DLGAP2: variants seen among roughly 807,000 people sequenced by gnomAD.
DLGAP2 encodes the protein disks large-associated protein 2.
In DLGAP2, 26 loss-of-function variants were observed where a neutral mutation model predicts 100.3. The ratio of observed to expected loss-of-function variants is 0.26; its 90% CI spans 0.19 to 0.36. The LOEUF (loss-of-function observed/expected upper bound fraction) is 0.36. Among genes scored for constraint, DLGAP2 ranks in the 10% least tolerant of loss-of-function variants. The probability of loss-of-function intolerance (pLI) is 1.00; values close to 1 mark genes in which losing one functional copy is unlikely to be tolerated. For missense variants in DLGAP2, 1,858 were observed against 1,453.2 expected, an observed-to-expected ratio of 1.28 and a Z score of -4.53; for synonymous variants, 886 against 630.1, an observed-to-expected ratio of 1.41 and a Z score of -6.08.
At chr8:986,822 G>C (rs1276173910) in intron 2 of DLGAP2, among the ~76,000 whole-genome samples, 1 of 152,018 alleles carries the variant, frequency 6.6e-6, no homozygotes, top group East Asian at 1.9e-4. Flanking sequence ...ACCATGCCTG[G>C]CTAATTTTTG....
In DLGAP2 at chr8:1,100,975, A is replaced by G. The variant is rs527703046; in HGVS notation, c.74-157876A>G. Among the ~76,000 whole-genome samples, 327 of 152,308 alleles carry G rather than the reference A, an allele frequency of 2.1e-3. 1 individual carries two copies. Among genetic ancestry groups the G allele is most frequent in the Non-Finnish European group, 1.9e-3 (126 of 68,032 alleles). Reference sequence around the variant, plus strand: ...TACCAGTTACATTTCTTTTACCCGCATCACCTGCAGTGATTGGGAGGATGT... The same window carrying G: ...TACCAGTTACATTTCTTTTACCCGCGTCACCTGCAGTGATTGGGAGGATGT... On this transcript the variant is annotated intron_variant, in intron 2 of 14. Coordinates refer to ENST00000637795, the MANE Select transcript of DLGAP2 (RefSeq NM_001346810.2).
intron 3 of DLGAP2, among the ~76,000 whole-genome samples, chr8:1,383,405 G>A (rs2129775558): frequency 6.6e-6 from 1 of 152,330 alleles, no homozygotes; most frequent in Non-Finnish European, 1.5e-5. Context: ...AATAATCTCA[G>A]ACTTTTATAC....
intron 3 of DLGAP2, among the ~76,000 whole-genome samples, chr8:1,475,479 C>G (rs1332696029): frequency 6.6e-6 from 1 of 152,266 alleles, no homozygotes; most frequent in East Asian, 1.9e-4. Context: ...TGAGAGCACT[C>G]CGCACCCCAG....
At chr8:1,228,191 A>C (rs1798461818) in intron 2 of DLGAP2, among the ~76,000 whole-genome samples, 1 of 152,098 alleles carries the variant, frequency 6.6e-6, no homozygotes, top group African/African-American at 2.4e-5. Context: ...ACAAACCTGC[A>C]CGTTGTGCAC....
rs373075161 is a variant in DLGAP2 at position 1,352,043 on chromosome 8, G to A, written c.106+93160G>A. On this transcript the variant is annotated intron_variant, in intron 3 of 14. Transcript: ENST00000637795. ...CTGACTGTGTGTGGAAAGGCCGTGC[G>A]GGTCCTGAGTGTGTGTGGAACGGCC... 4.6e-5 allele frequency among the ~76,000 whole-genome samples: 3 copies of A among 65,590 alleles called. 1 individual carries two copies. The highest frequency in any genetic ancestry group is 1.9e-4 in the Admixed American group (1 of 5,190). The allele number at this position is 65,590 out of a possible 152,430, so 43.0% of individuals were successfully genotyped here. A position where few individuals can be genotyped will look rare whatever the true frequency, so the allele number is the denominator to read the frequency against.
At chr8:1,166,822 C>T (rs76230131) in intron 2 of DLGAP2, among the ~76,000 whole-genome samples, 289 of 152,110 alleles carry the variant, frequency 1.9e-3, no homozygotes, top group African/African-American at 6.4e-3. Flanking sequence ...AGTATTGTTT[C>T]GTGGTTTTCT....
intron 2 of DLGAP2, among the ~76,000 whole-genome samples, chr8:1,017,909 T>C (rs567030842): frequency 6.6e-6 from 1 of 152,360 alleles, no homozygotes; most frequent in South Asian, 2.1e-4. Flanking sequence ...GAAAGTTTGA[T>C]TGGACACAGC....
intron 3 of DLGAP2, among the ~76,000 whole-genome samples, chr8:1,371,568 C>T (rs529137566): frequency 6.6e-6 from 1 of 152,374 alleles, no homozygotes; most frequent in South Asian, 2.1e-4. Flanking sequence ...ATTATCCTCT[C>T]ACTTCCCGTG....
chr8:1,235,371 G>C (rs1424602263), intron 2 of DLGAP2, among the ~76,000 whole-genome samples: 1 of 140,822 alleles, frequency 7.1e-6, no homozygotes, highest in African/African-American at 2.7e-5. Flanking sequence ...GTCGTGTCTA[G>C]TTCCCTCACA....
chr8:833,535 C>G (rs1187271372), intron 1 of DLGAP2, among the ~76,000 whole-genome samples: 1 of 152,164 alleles, frequency 6.6e-6, no homozygotes, highest in Non-Finnish European at 1.5e-5. Context: ...GTCTCTGATG[C>G]TGCATCTCTG....
chr8:935,561 G>C (rs986672916), intron 2 of DLGAP2, among the ~76,000 whole-genome samples: 1 of 152,190 alleles, frequency 6.6e-6, no homozygotes, highest in African/African-American at 2.4e-5. Context: ...AATGGCACAT[G>C]TGCTCACACT....
chr8:1,281,127 C>T (rs1298747839), intron 3 of DLGAP2, among the ~76,000 whole-genome samples: 1 of 152,200 alleles, frequency 6.6e-6, no homozygotes, highest in African/African-American at 2.4e-5. Context: ...AGTGCCTAAC[C>T]CACCGTAATT....
chr8:1,329,791 G>A (rs1353007832), intron 3 of DLGAP2, among the ~76,000 whole-genome samples: 1 of 152,206 alleles, frequency 6.6e-6, no homozygotes, highest in Non-Finnish European at 1.5e-5. Flanking sequence ...TAGCACTGCT[G>A]TGAGCCCTAT....
At chr8:1,050,608 G>C (rs1031662452) in intron 2 of DLGAP2, among the ~76,000 whole-genome samples, 2 of 152,194 alleles carry the variant, frequency 1.3e-5, no homozygotes, top group African/African-American at 4.8e-5. Context: ...GGTGTTCTTA[G>C]ACTACAGGAA....
intron 3 of DLGAP2, among the ~76,000 whole-genome samples, chr8:1,429,997 C>CATATATATATATATATAT (rs1361890198): frequency 0.025 from 479 of 19,484 alleles, 96 homozygotes; most frequent in South Asian, 0.05. Flanking sequence ...GGGAGAGATG[C>CATATATATATATATATAT]ATATATATAC....
intron 2 of DLGAP2, among the ~76,000 whole-genome samples, chr8:1,079,986 T>G (rs1417702247): frequency 6.6e-6 from 1 of 152,206 alleles, no homozygotes; most frequent in African/African-American, 2.4e-5. Flanking sequence ...ACTGTTGTTA[T>G]TCTGCTTCTA....
chr8:1,669,681 C>T (rs1798640966), intron 9 of DLGAP2, 62 bp from the exon 10 acceptor site: 12 of 780,038 alleles, frequency 1.5e-5, no homozygotes, highest in South Asian at 1.1e-4. Context: ...GCAGGGGAGC[C>T]GCCCGCTGGT....
At chr8:1,652,380 G>C (rs963994977) in intron 8 of DLGAP2, among the ~76,000 whole-genome samples, 2 of 152,108 alleles carry the variant, frequency 1.3e-5, no homozygotes, top group Admixed American at 1.3e-4. Flanking sequence ...CTGAATTCCC[G>C]TGCCTAGAAC....
At chr8:1,565,993 T>C in intron 6 of DLGAP2, 99 bp downstream of exon 6, 1 of 1,031,630 alleles carries the variant, frequency 9.7e-7, no homozygotes, top group Non-Finnish European at 1.3e-6. Flanking sequence ...GCCATCCATT[T>C]AAACTAAATT....
Sources: gnomAD v4.1 joint callset for allele counts (sites outside exome capture counted in the v4.1 genomes callset) on GRCh38, gnomAD v4.1.1 for gene constraint, MANE v1.5 for transcripts, NCBI Gene and HGNC (gene_info 2026-07-23, HGNC 2026-07-21) for gene names.